The following CCDC178 variants were observed in gnomAD, a reference collection of about 807,000 sequenced individuals.
The protein encoded by CCDC178 is coiled-coil domain-containing protein 178.
A neutral mutation model predicts 117.4 loss-of-function variants in CCDC178; 126 were observed. The observed-to-expected ratio is 1.07, with a 90% CI of 0.93 to 1.24. The LOEUF is 1.24. CCDC178 is among the 50% of genes most tolerant of loss of function. The pLI, the probability that CCDC178 is intolerant of heterozygous loss-of-function variation, is 0.00. For synonymous variants in CCDC178, 283 were observed against 313.4 expected (o/e 0.90, Z 1.02); for missense variants, 1,030 against 986.9 (o/e 1.04, Z -0.59).
intron 5 of CCDC178, among the ~76,000 whole-genome samples, chr18:33,376,920 C>T (rs767135527): frequency 1.6e-4 from 24 of 152,078 alleles, no homozygotes; most frequent in South Asian, 4.1e-4. Context: ...CAAATGAGTG[C>T]GTTGTCTTTT....
At chr18:33,187,157 C>T (rs1396127038) in intron 20 of CCDC178, among the ~76,000 whole-genome samples, 1 of 151,214 alleles carries the variant, frequency 6.6e-6, no homozygotes, top group Admixed American at 6.6e-5. Flanking sequence ...ACCATCAGAT[C>T]TCATAAGAAC....
At chr18:33,136,565 G>T (rs2058129376) in intron 20 of CCDC178, among the ~76,000 whole-genome samples, 1 of 152,128 alleles carries the variant, frequency 6.6e-6, no homozygotes, top group Admixed American at 6.5e-5. Flanking sequence ...AGGGACAGAA[G>T]AATAATATAT....
chr18:33,108,765 TA>T (rs1206256491), intron 20 of CCDC178, among the ~76,000 whole-genome samples: 3 of 151,708 alleles, frequency 2.0e-5, no homozygotes, highest in African/African-American at 4.8e-5. Flanking sequence ...TATGATTAAC[TA>T]ATTAGCAAAC....
intron 20 of CCDC178, among the ~76,000 whole-genome samples, chr18:33,197,748 G>A (rs186927478): frequency 6.6e-6 from 1 of 152,076 alleles, no homozygotes; most frequent in East Asian, 1.9e-4. Flanking sequence ...CTAAACTTAT[G>A]GGAAATAATG....
rs140366655 is a variant in CCDC178, at chr18:33,051,972, A to C, written c.2388+40789T>G. Among the ~76,000 whole-genome samples, 855 of 152,314 alleles carry C rather than the reference A, an allele frequency of 5.6e-3. 9 individuals are homozygous for C. The highest frequency in any genetic ancestry group is 0.024 in the Middle Eastern group (7 of 294). On this transcript the variant is annotated intron_variant, in intron 21 of 22. Transcript: ENST00000383096. ...AGGTGACAGAGGCAATATTACCAGA[A>C]TTAAACAATCTGAATTAGCTTTTTC...
chr18:33,403,346 C>G (rs2144868935), intron 3 of CCDC178, among the ~76,000 whole-genome samples: 1 of 152,240 alleles, frequency 6.6e-6, no homozygotes. Context: ...CTTCAGAGAA[C>G]TAATTTAGAA....
rs890438523 is a variant in CCDC178 at position 33,219,344 on chromosome 18, C to T, written c.1933-3649G>A. Reference sequence around the variant, plus strand: ...CTGTTGGTGGGACTGTAAACTAGTTCAACCATTGTGGAAGACAGTGTGGCA... The same window carrying T: ...CTGTTGGTGGGACTGTAAACTAGTTTAACCATTGTGGAAGACAGTGTGGCA... On this transcript the variant is annotated intron_variant, in intron 18 of 22. Transcript: ENST00000383096. 1.6e-4 allele frequency among the ~76,000 whole-genome samples: 24 copies of T among 152,198 alleles called. No homozygotes were observed. In the South Asian group the frequency reaches 1.9e-3, roughly 12 times the overall value.
At chr18:32,980,929 T>C (rs2055142581) in intron 21 of CCDC178, among the ~76,000 whole-genome samples, 1 of 152,208 alleles carries the variant, frequency 6.6e-6, no homozygotes, top group Non-Finnish European at 1.5e-5. Flanking sequence ...GATCCAGCAA[T>C]TATACTTAAA....
chr18:33,107,140 G>A (rs1177753917), intron 20 of CCDC178, among the ~76,000 whole-genome samples: 2 of 151,642 alleles, frequency 1.3e-5, no homozygotes, highest in Non-Finnish European at 3.0e-5. Flanking sequence ...ATAACTTTGT[G>A]TCTTTTTAAA....
At chr18:33,107,605 TC>T (rs1242365498) in intron 20 of CCDC178, among the ~76,000 whole-genome samples, 2 of 151,740 alleles carry the variant, frequency 1.3e-5, no homozygotes, top group African/African-American at 4.8e-5. Context: ...CCATAATCTG[TC>T]CCTGTAATAC....
At chr18:33,402,311 C>T (rs1371191700) in intron 3 of CCDC178, among the ~76,000 whole-genome samples, 2 of 152,214 alleles carry the variant, frequency 1.3e-5, no homozygotes, top group African/African-American at 2.4e-5. Flanking sequence ...GTGTGAACAA[C>T]TATTCAAGAA....
chr18:33,110,184 T>C (rs1488401443), intron 20 of CCDC178, among the ~76,000 whole-genome samples: 5 of 151,574 alleles, frequency 3.3e-5, no homozygotes, highest in African/African-American at 1.2e-4. Flanking sequence ...TTATCGGACA[T>C]TTGTATAGCT....
chr18:33,168,976 G>C (rs2058565879), intron 20 of CCDC178, among the ~76,000 whole-genome samples: 1 of 152,108 alleles, frequency 6.6e-6, no homozygotes, highest in African/African-American at 2.4e-5. Flanking sequence ...AGTGTATTTA[G>C]AGTACATGAT....
chr18:33,348,549 C>G (rs181284613), intron 8 of CCDC178, among the ~76,000 whole-genome samples: 21 of 151,940 alleles, frequency 1.4e-4, no homozygotes, highest in African/African-American at 5.1e-4. Flanking sequence ...AACAGCTGTA[C>G]GTGGCTAGTA....
Position 33,245,241 on chromosome 18 carries a change from C to T in CCDC178, c.1593+4G>A. 1.9e-6 allele frequency: 3 copies of T among 1,564,334 alleles called. No individual in the cohort carries two copies. The highest frequency in any genetic ancestry group is 2.6e-6 in the Non-Finnish European group (3 of 1,159,308). On this transcript the variant is annotated splice_donor_region_variant and intron_variant, in intron 15 of 22. Transcript: ENST00000383096. ...TGAGTAAGAGGAACACAAAGATACACAACCTTGAACTTTCTTCTCACTTCT... is the reference window on the plus strand; with the variant it reads ...TGAGTAAGAGGAACACAAAGATACATAACCTTGAACTTTCTTCTCACTTCT...
At chr18:33,404,829 G>C (rs531295231) in intron 3 of CCDC178, among the ~76,000 whole-genome samples, 1 of 151,540 alleles carries the variant, frequency 6.6e-6, no homozygotes, top group South Asian at 2.1e-4. Flanking sequence ...AACCTTGACA[G>C]CATTATCTTG....
chr18:33,393,864 G>T (rs1194216049), intron 4 of CCDC178, among the ~76,000 whole-genome samples: 2 of 151,930 alleles, frequency 1.3e-5, no homozygotes, highest in Non-Finnish European at 2.9e-5. Context: ...ATATAAGTGT[G>T]TTCAAGTGTG....
intron 5 of CCDC178, among the ~76,000 whole-genome samples, chr18:33,380,971 C>T (rs2063432694): frequency 4.5e-5 from 1 of 22,458 alleles, no homozygotes; most frequent in Non-Finnish European, 4.4e-3. Context: ...CTCATCTTCC[C>T]TCCATTTAAC....
chr18:33,117,445 T>C (rs750306214), intron 20 of CCDC178, among the ~76,000 whole-genome samples: 1 of 151,982 alleles, frequency 6.6e-6, no homozygotes, highest in Non-Finnish European at 1.5e-5. Context: ...GTAGACCAAC[T>C]TGAGTCCCTG....
Sources: gnomAD v4.1 joint callset for allele counts (sites outside exome capture counted in the v4.1 genomes callset) on GRCh38, gnomAD v4.1.1 for gene constraint, MANE v1.5 for transcripts, NCBI Gene and HGNC (gene_info 2026-07-23, HGNC 2026-07-21) for gene names.